KCNIP4: variants seen among roughly 807,000 people sequenced by gnomAD.
KCNIP4 encodes Kv channel-interacting protein 4.
Under a neutral mutation model 34.0 loss-of-function variants are expected in KCNIP4, and 12 were observed. That is an observed-to-expected ratio of 0.35 (90% CI 0.23 to 0.57). The LOEUF is 0.57. Ranked by LOEUF, KCNIP4 falls within the 20% of genes least tolerant of loss-of-function variation. KCNIP4 has a pLI of 0.83. For missense variants in KCNIP4, 238 were observed against 311.7 expected (o/e 0.76, Z 1.78); for synonymous variants, 124 against 102.2 (o/e 1.21, Z -1.29).
intron 1 of KCNIP4, among the ~76,000 whole-genome samples, chr4:21,305,051 C>T (rs558756431): frequency 6.6e-6 from 1 of 151,974 alleles, no homozygotes; most frequent in African/African-American, 2.4e-5. Context: ...TTCCTCCTAA[C>T]ACTGCCCAAA....
At chr4:20,762,217 C>T (rs183746829) in intron 3 of KCNIP4, among the ~76,000 whole-genome samples, 249 of 152,208 alleles carry the variant, frequency 1.6e-3, no homozygotes, top group Admixed American at 4.7e-3. Flanking sequence ...GTGGAAGGGG[C>T]GAGCTAGCTC....
intron 3 of KCNIP4, among the ~76,000 whole-genome samples, chr4:20,829,864 G>A (rs1398490011): frequency 1.3e-5 from 2 of 152,040 alleles, no homozygotes; most frequent in African/African-American, 4.8e-5. Flanking sequence ...TGATATAGAT[G>A]TTGGTGTCAT....
At chr4:21,689,265 A>G (rs775419387) in intron 1 of KCNIP4, among the ~76,000 whole-genome samples, 9 of 152,190 alleles carry the variant, frequency 5.9e-5, no homozygotes, top group African/African-American at 9.6e-5. Flanking sequence ...GAAGCATAAT[A>G]ATGATTAGGT....
intron 1 of KCNIP4, among the ~76,000 whole-genome samples, chr4:21,300,513 T>C (rs1300092307): frequency 6.6e-6 from 1 of 152,148 alleles, no homozygotes; most frequent in Non-Finnish European, 1.5e-5. Context: ...TAAATATTAA[T>C]GGAATTACCA....
chr4:21,297,598 C>T (rs900802944), intron 1 of KCNIP4, among the ~76,000 whole-genome samples: 25 of 152,050 alleles, frequency 1.6e-4, no homozygotes, highest in African/African-American at 5.8e-4. Context: ...TAGTTCATTT[C>T]GTCTCTCTGG....
chr4:21,889,718 T>C (rs1435954972), intron 1 of KCNIP4, among the ~76,000 whole-genome samples: 2 of 152,086 alleles, frequency 1.3e-5, no homozygotes, highest in Non-Finnish European at 2.9e-5. Flanking sequence ...AACAATAAGC[T>C]AATGTGGCTA....
chr4:21,771,227 G>A (rs1247914296), intron 1 of KCNIP4, among the ~76,000 whole-genome samples: 6 of 152,072 alleles, frequency 3.9e-5, no homozygotes, highest in African/African-American at 1.4e-4. Flanking sequence ...TTTTTGTCAC[G>A]TTTGTTGAAG....
intron 1 of KCNIP4, among the ~76,000 whole-genome samples, chr4:21,040,100 C>G (rs1741823771): frequency 6.6e-6 from 1 of 152,240 alleles, no homozygotes; most frequent in Admixed American, 6.5e-5. Context: ...TCAAGAACAG[C>G]ATGTGGGATG....
At chr4:20,991,688 G>A (rs1054564937) in intron 1 of KCNIP4, among the ~76,000 whole-genome samples, 2 of 152,166 alleles carry the variant, frequency 1.3e-5, no homozygotes, top group African/African-American at 4.8e-5. Flanking sequence ...TAGAAATACA[G>A]AATATCTCAT....
At chr4:21,508,762 G>A (rs1034919063) in intron 1 of KCNIP4, among the ~76,000 whole-genome samples, 1 of 149,964 alleles carries the variant, frequency 6.7e-6, no homozygotes, top group Admixed American at 6.6e-5. Flanking sequence ...TTAGCAAGGG[G>A]ATGAAAACTA....
chr4:21,304,540 C>G (rs922261189), intron 1 of KCNIP4: 1 of 152,248 alleles, frequency 6.6e-6, no homozygotes, highest in African/African-American at 2.4e-5. Context: ...CCTTGAAATA[C>G]GGAGAAAAAC....
chr4:20,889,505 C>T (rs1725675855), intron 1 of KCNIP4, among the ~76,000 whole-genome samples: 1 of 152,038 alleles, frequency 6.6e-6, no homozygotes, highest in South Asian at 2.1e-4. Flanking sequence ...TAAGATGCAA[C>T]TGTATGAACT....
intron 1 of KCNIP4, among the ~76,000 whole-genome samples, chr4:21,880,485 C>T (rs957373800): frequency 1.3e-5 from 2 of 152,116 alleles, no homozygotes; most frequent in Non-Finnish European, 2.9e-5. Flanking sequence ...AAGCCAGCAG[C>T]TAGTTATTTT....
chr4:21,499,896 A>G (rs1039079472), intron 1 of KCNIP4, among the ~76,000 whole-genome samples: 1 of 152,162 alleles, frequency 6.6e-6, no homozygotes. Context: ...TTTTATTACC[A>G]TCTTTCTCTC....
At chr4:21,083,955 C>T (rs1238998807) in intron 1 of KCNIP4, among the ~76,000 whole-genome samples, 2 of 152,004 alleles carry the variant, frequency 1.3e-5, no homozygotes, top group East Asian at 3.9e-4. Flanking sequence ...CTGCACAAAT[C>T]TATAAAGCTC....
At chr4:20,760,303 AACAGACCTGACTTTAG>A (rs1754850905) in intron 3 of KCNIP4, among the ~76,000 whole-genome samples, 1 of 152,118 alleles carries the variant, frequency 6.6e-6, no homozygotes. Context: ...CTAACTCCCC[AACAGACCTGACTTTAG>A]ACATGAATAT....
chr4:21,600,992 C>T (rs564448629), intron 1 of KCNIP4, among the ~76,000 whole-genome samples: 96 of 151,940 alleles, frequency 6.3e-4, no homozygotes, highest in Non-Finnish European at 1.2e-3. Context: ...CTAAAGAAGG[C>T]CATCACTATT....
chr4:21,424,223 T>C (rs1417288799), intron 1 of KCNIP4, among the ~76,000 whole-genome samples: 3 of 152,074 alleles, frequency 2.0e-5, no homozygotes, highest in African/African-American at 7.2e-5. Context: ...AGAAAAGGCC[T>C]GGGGTCCATA....
chr4:20,863,623 T>C (rs531915925), intron 2 of KCNIP4, among the ~76,000 whole-genome samples: 44 of 152,278 alleles, frequency 2.9e-4, no homozygotes, highest in African/African-American at 1.0e-3. Context: ...CACTAAATTC[T>C]TTCCCAAGGT....
Sources: gnomAD v4.1 joint callset for allele counts (sites outside exome capture counted in the v4.1 genomes callset) on GRCh38, gnomAD v4.1.1 for gene constraint, MANE v1.5 for transcripts, NCBI Gene and HGNC (gene_info 2026-07-23, HGNC 2026-07-21) for gene names.